MEGF11: variants seen among roughly 807,000 people sequenced by gnomAD.
MEGF11 encodes the protein multiple EGF like domains 11, also known as multiple epidermal growth factor-like domains protein 11.
MEGF11 carries 126 observed loss-of-function variants against 146.6 expected under a neutral mutation model. The ratio of observed to expected loss-of-function variants is 0.86; its 90% CI spans 0.74 to 1.00. The LOEUF is 1.00. Ranked by LOEUF, MEGF11 falls within the 50% of genes least tolerant of loss-of-function variation. MEGF11 has a pLI of 0.00. For synonymous variants in MEGF11, 532 were observed against 583.4 expected, an observed-to-expected ratio of 0.91 and a Z score of 1.27; for missense variants, 1,509 against 1,521.2, an observed-to-expected ratio of 0.99 and a Z score of 0.13.
chr15:65,932,403 G>A (rs953117149), intron 10 of MEGF11, among the ~76,000 whole-genome samples: 9 of 152,098 alleles, frequency 5.9e-5, no homozygotes, highest in South Asian at 2.1e-4. Flanking sequence ...GAATCTGGGC[G>A]TCCACTCTAC....
intron 5 of MEGF11, among the ~76,000 whole-genome samples, chr15:66,079,542 C>T (rs1029612693): frequency 2.8e-5 from 4 of 144,960 alleles, no homozygotes; most frequent in African/African-American, 1.0e-4. Flanking sequence ...TTCACACCCC[C>T]CCCCCCAGCA....
chr15:65,897,168 G>A lies in MEGF11; in HGVS notation c.*766C>T, dbSNP rs1304073555. 1 of 152,222 alleles carries A rather than the reference G, an allele frequency of 6.6e-6. No individual in the cohort carries two copies. The highest frequency in any genetic ancestry group is 1.5e-5 in the Non-Finnish European group (1 of 68,036). The allele number at this position is 152,222 out of a possible 1,614,324, so 9.4% of individuals were successfully genotyped here. On this transcript the variant is annotated 3_prime_UTR_variant, in exon 26 of 26. Transcript: ENST00000395614. ...GACTAAGTAGATATGACAAAGCCAG[G>A]ACTAACTTGTAATGTCCTTGAACTT...
At chr15:65,918,225 C>T in intron 15 of MEGF11, 131 bp from the exon 16 acceptor site, 1 of 1,311,472 alleles carries the variant, frequency 7.6e-7, no homozygotes, top group South Asian at 1.4e-5. Context: ...GGATGGAGAC[C>T]ACGCCCGCCT....
chr15:66,009,594 T>C (rs1596985364), intron 5 of MEGF11, among the ~76,000 whole-genome samples: 1 of 13,716 alleles, frequency 7.3e-5, no homozygotes, highest in Non-Finnish European at 5.7e-4. Flanking sequence ...TCACATATGG[T>C]TTTTTTTTTT....
chr15:66,020,991 C>CAAAAAAAAAAAAAAA (rs35364286), intron 5 of MEGF11, among the ~76,000 whole-genome samples: 3 of 70,786 alleles, frequency 4.2e-5, no homozygotes, highest in African/African-American at 1.7e-4. Flanking sequence ...AACTCCATCT[C>CAAAAAAAAAAAAAAA]AAAAAAAAAA....
intron 5 of MEGF11, among the ~76,000 whole-genome samples, chr15:66,027,593 C>T (rs201167334): frequency 3.3e-5 from 5 of 152,336 alleles, no homozygotes; most frequent in East Asian, 1.9e-4. Context: ...CTCTGGGCTA[C>T]GAGCCAGGCA....
At chr15:65,950,850 T>G (rs1218896188) in intron 10 of MEGF11, among the ~76,000 whole-genome samples, 2 of 152,224 alleles carry the variant, frequency 1.3e-5, no homozygotes, top group African/African-American at 4.8e-5. Flanking sequence ...TGTAGCTATC[T>G]GTTTACATAA....
chr15:66,160,942 G>A (rs1241697319), intron 1 of MEGF11, among the ~76,000 whole-genome samples: 1 of 152,108 alleles, frequency 6.6e-6, no homozygotes, highest in Non-Finnish European at 1.5e-5. Context: ...GTAGGTGAGG[G>A]AGAAGCCATG....
At chr15:66,003,731 A>G (rs1188832736) in intron 5 of MEGF11, among the ~76,000 whole-genome samples, 1 of 152,164 alleles carries the variant, frequency 6.6e-6, no homozygotes, top group East Asian at 1.9e-4. Context: ...GTTCAAGTCC[A>G]GGTGCATGAC....
chr15:65,912,073 G>A lies in MEGF11; in HGVS notation c.2829+9C>T. ...GTGAGTGGGGGCTGGGGAATCAGGG[G>A]CCCGGTACCTTGGTGGGGCTGTTCC... On this transcript the variant is annotated intron_variant, in intron 21 of 25. Transcript: ENST00000395614. 2 of 1,227,684 alleles carry A rather than the reference G, an allele frequency of 1.6e-6. No individual in the cohort carries two copies. Among genetic ancestry groups the A allele is most frequent in the Non-Finnish European group, 2.0e-6 (2 of 983,932 alleles). 76.0% of individuals were successfully genotyped at this position (1,227,684 alleles called of 1,614,324 possible). A position where few individuals can be genotyped will look rare whatever the true frequency, so the allele number is the denominator to read the frequency against.
At chr15:66,049,344 G>A (rs1215540411) in intron 5 of MEGF11, among the ~76,000 whole-genome samples, 2 of 152,186 alleles carry the variant, frequency 1.3e-5, no homozygotes, top group African/African-American at 4.8e-5. Context: ...GTTGGGGTAG[G>A]GGGAGAGGTG....
intron 1 of MEGF11, among the ~76,000 whole-genome samples, chr15:66,154,324 T>C (rs2089675304): frequency 2.6e-5 from 4 of 152,194 alleles, no homozygotes; most frequent in Admixed American, 2.6e-4. Flanking sequence ...CATTCTGCTG[T>C]ACTGAAGTCG....
intron 5 of MEGF11, among the ~76,000 whole-genome samples, chr15:66,026,942 G>A (rs555694217): frequency 6.6e-6 from 1 of 152,326 alleles, no homozygotes; most frequent in Non-Finnish European, 1.5e-5. Context: ...TATATGAAAT[G>A]TAAATTGAAA....
At chr15:66,238,532 T>C (rs1399296066) in intron 1 of MEGF11, among the ~76,000 whole-genome samples, 1 of 152,210 alleles carries the variant, frequency 6.6e-6, no homozygotes. Flanking sequence ...GCAGTAGAGA[T>C]GGACTCCTAC....
chr15:65,957,812 G>A, intron 9 of MEGF11, 91 bp from the exon 10 acceptor site: 1 of 1,285,868 alleles, frequency 7.8e-7, no homozygotes, highest in Non-Finnish European at 1.1e-6. Context: ...GGCTTGCCTA[G>A]GGTAGCAGGA....
At chr15:66,185,085 C>G (rs565926859) in intron 1 of MEGF11, among the ~76,000 whole-genome samples, 1 of 152,262 alleles carries the variant, frequency 6.6e-6, no homozygotes, top group African/African-American at 2.4e-5. Flanking sequence ...GCCTGGCACC[C>G]AGGATGTACC....
At chr15:65,913,701 G>A in intron 20 of MEGF11, 36 bp downstream of exon 20, 1 of 1,546,718 alleles carries the variant, frequency 6.5e-7, no homozygotes, top group South Asian at 1.2e-5. Context: ...TGTGTGTGGA[G>A]GGGAAGAGGA....
intron 1 of MEGF11, among the ~76,000 whole-genome samples, chr15:66,198,763 T>C (rs561235831): frequency 6.6e-6 from 1 of 152,228 alleles, no homozygotes; most frequent in Admixed American, 6.5e-5. Flanking sequence ...GGATTACTGG[T>C]GTGAGCCACC....
At chr15:65,945,539 C>T (rs1006195194) in intron 10 of MEGF11, among the ~76,000 whole-genome samples, 1 of 152,248 alleles carries the variant, frequency 6.6e-6, no homozygotes, top group African/African-American at 2.4e-5. Context: ...AACCTTGCCA[C>T]GCCAGTTTAT....
Sources: allele counts gnomAD v4.1 joint callset (sites outside exome capture counted in the v4.1 genomes callset), GRCh38; gene constraint gnomAD v4.1.1; transcripts MANE v1.5; gene names NCBI Gene and HGNC (gene_info 2026-07-23, HGNC 2026-07-21).